The following NLGN1 variants were observed in gnomAD, a reference collection of about 807,000 sequenced individuals.
The protein encoded by NLGN1 is neuroligin-1.
A neutral mutation model predicts 65.5 loss-of-function variants in NLGN1; 12 were observed. That is an observed-to-expected ratio of 0.18 (90% confidence interval 0.12 to 0.30). The LOEUF (loss-of-function observed/expected upper bound fraction) is 0.30. Among genes scored for constraint, NLGN1 ranks in the 10% least tolerant of loss-of-function variants. The pLI, the probability that NLGN1 is intolerant of heterozygous loss-of-function variation, is 1.00. For synonymous variants in NLGN1, 350 were observed against 359.5 expected (o/e 0.97, Z 0.30); for missense variants, 750 against 1,007.1 (o/e 0.74, Z 3.46).
At chr3:173,587,245 C>T (rs150370965) in intron 2 of NLGN1, among the ~76,000 whole-genome samples, 2,153 of 152,236 alleles carry the variant, frequency 0.014, 25 homozygotes, top group Non-Finnish European at 0.022. Flanking sequence ...ATTATATTCT[C>T]TTTTGTCAGT....
chr3:173,508,481 A>G (rs1355025983), intron 2 of NLGN1, among the ~76,000 whole-genome samples: 3 of 152,144 alleles, frequency 2.0e-5, no homozygotes, highest in Admixed American at 2.0e-4. Flanking sequence ...AATCTTCGCT[A>G]TCCCTGAGGC....
Position 174,249,554 on chromosome 3 carries a change from G to A in NLGN1, c.647-25761G>A, listed in dbSNP as rs77766735. Among the ~76,000 whole-genome samples, 915 of 152,274 alleles carry A rather than the reference G, an allele frequency of 6.0e-3. 23 individuals are homozygous for A. Among genetic ancestry groups the A allele is most frequent in the East Asian group, 0.031 (160 of 5,184 alleles). On this transcript the variant is annotated intron_variant, in intron 4 of 6. Coordinates refer to ENST00000457714, the Ensembl canonical transcript of NLGN1. ...AGACAGTTCTGTCCCCAGGAGCTCT[G>A]ACAGAACACTTTCTTTGAGATGAGT...
chr3:174,024,249 A>G (rs769349314), intron 4 of NLGN1, among the ~76,000 whole-genome samples: 1 of 151,524 alleles, frequency 6.6e-6, no homozygotes, highest in Non-Finnish European at 1.5e-5. Context: ...GAACAAAGGG[A>G]TTTCATGATT....
chr3:174,277,598 T>A (rs996842215), intron 5 of NLGN1, among the ~76,000 whole-genome samples: 1 of 151,954 alleles, frequency 6.6e-6, no homozygotes, highest in Non-Finnish European at 1.5e-5. Flanking sequence ...ATTATCTGTA[T>A]TTGTATCATT....
intron 3 of NLGN1, among the ~76,000 whole-genome samples, chr3:173,703,790 T>G (rs896990911): frequency 1.3e-5 from 2 of 152,212 alleles, no homozygotes; most frequent in African/African-American, 2.4e-5. Context: ...GCCAGAAATA[T>G]GGGATTCGTC....
Position 174,226,870 on chromosome 3 carries a change from G to A in NLGN1, c.647-48445G>A, listed in dbSNP as rs575146040. ...AGTTCAGGGAATTATTCATTTCTGG[G>A]GTTGATGACTTTTTCCATTTGCCCC... On this transcript the variant is annotated intron_variant, in intron 4 of 6. Transcript: ENST00000457714. Among the ~76,000 whole-genome samples, 5 of 152,110 alleles carry A rather than the reference G, an allele frequency of 3.3e-5. No individual in the cohort carries two copies. In the East Asian group the frequency reaches 7.7e-4, roughly 23 times the overall value.
intron 4 of NLGN1, among the ~76,000 whole-genome samples, chr3:173,853,086 CTGTCTT>C (rs1727294158): frequency 6.6e-6 from 1 of 152,200 alleles, no homozygotes; most frequent in African/African-American, 2.4e-5. Flanking sequence ...GCACACTACT[CTGTCTT>C]TAAGACATCA....
At chr3:173,402,787 G>A (rs565085908) in intron 1 of NLGN1, among the ~76,000 whole-genome samples, 1 of 152,128 alleles carries the variant, frequency 6.6e-6, no homozygotes, top group South Asian at 2.1e-4. Context: ...CTTTATGCCT[G>A]AATGACTAAA....
At chr3:174,225,457 C>A (rs888381161) in intron 4 of NLGN1, among the ~76,000 whole-genome samples, 1 of 152,134 alleles carries the variant, frequency 6.6e-6, no homozygotes, top group Non-Finnish European at 1.5e-5. Flanking sequence ...TCTGGCCGGG[C>A]GCGGTGGCTC....
intron 4 of NLGN1, among the ~76,000 whole-genome samples, chr3:173,831,805 C>A (rs751669482): frequency 3.3e-5 from 5 of 152,066 alleles, no homozygotes; most frequent in Non-Finnish European, 7.4e-5. Context: ...ATATACCATT[C>A]ATTATAATTC....
chr3:174,024,473 T>C (rs1728436043), intron 4 of NLGN1, among the ~76,000 whole-genome samples: 1 of 152,170 alleles, frequency 6.6e-6, no homozygotes, highest in Non-Finnish European at 1.5e-5. Context: ...GGGGACACTT[T>C]AGATTTATGG....
At chr3:173,864,553 C>T (rs1406879370) in intron 4 of NLGN1, among the ~76,000 whole-genome samples, 1 of 152,144 alleles carries the variant, frequency 6.6e-6, no homozygotes, top group Non-Finnish European at 1.5e-5. Context: ...TTTTAAGTGA[C>T]TGATATTTGC....
At chr3:173,844,847 G>A (rs968279234) in intron 4 of NLGN1, among the ~76,000 whole-genome samples, 4 of 152,148 alleles carry the variant, frequency 2.6e-5, no homozygotes, top group Admixed American at 6.5e-5. Flanking sequence ...AAGAAAACAT[G>A]TTGTCACTAC....
chr3:173,539,664 T>C (rs1260649171), intron 2 of NLGN1, among the ~76,000 whole-genome samples: 3 of 141,796 alleles, frequency 2.1e-5, no homozygotes, highest in Non-Finnish European at 3.0e-5. Context: ...TATGTGTATA[T>C]ATGCACATAT....
intron 4 of NLGN1, among the ~76,000 whole-genome samples, chr3:174,146,668 A>G (rs1182116716): frequency 6.6e-6 from 1 of 151,718 alleles, no homozygotes; most frequent in African/African-American, 2.4e-5. Context: ...CCCGGGTCAA[A>G]GCGATTCTCC....
At chr3:174,202,087 G>A (rs930203000) in intron 4 of NLGN1, among the ~76,000 whole-genome samples, 4 of 150,522 alleles carry the variant, frequency 2.7e-5, no homozygotes, top group South Asian at 2.1e-4. Flanking sequence ...ACATGTCCCC[G>A]TCTCTCTAAG....
At chr3:173,724,088 G>C (rs1383542083) in intron 3 of NLGN1, among the ~76,000 whole-genome samples, 1 of 152,192 alleles carries the variant, frequency 6.6e-6, no homozygotes, top group Non-Finnish European at 1.5e-5. Flanking sequence ...CATGATACAT[G>C]TGAACTTCAC....
At chr3:173,854,414 A>G (rs925633691) in intron 4 of NLGN1, among the ~76,000 whole-genome samples, 1 of 152,176 alleles carries the variant, frequency 6.6e-6, no homozygotes, top group African/African-American at 2.4e-5. Flanking sequence ...TAAAAATTAT[A>G]AAGAAAAAAG....
chr3:174,187,351 G>A (rs1443148253), intron 4 of NLGN1, among the ~76,000 whole-genome samples: 1 of 151,872 alleles, frequency 6.6e-6, no homozygotes, highest in African/African-American at 2.4e-5. Flanking sequence ...ACCAGGTTTT[G>A]TCTCTGGATT....
Sources: gnomAD v4.1 joint callset for allele counts (sites outside exome capture counted in the v4.1 genomes callset) on GRCh38, gnomAD v4.1.1 for gene constraint, MANE v1.5 for transcripts, NCBI Gene and HGNC (gene_info 2026-07-23, HGNC 2026-07-21) for gene names.